The following KCNJ15 variants were observed in gnomAD, a reference collection of about 807,000 sequenced individuals.
KCNJ15 encodes potassium inwardly rectifying channel subfamily J member 15.
Under a neutral mutation model 23.0 loss-of-function variants are expected in KCNJ15, and 14 were observed. The observed-to-expected ratio is 0.61, with a 90% CI of 0.40 to 0.95. The LOEUF (loss-of-function observed/expected upper bound fraction) is 0.95, where lower values mean the gene tolerates loss of function less well. Among genes scored for constraint, KCNJ15 ranks in the 40% least tolerant of loss-of-function variants. KCNJ15 has a pLI of 0.00. For missense variants in KCNJ15, 388 were observed against 461.8 expected (o/e 0.84, Z 1.46); for synonymous variants, 185 against 183.2 (o/e 1.01, Z -0.08).
intron 1 of KCNJ15, among the ~76,000 whole-genome samples, chr21:38,230,095 A>G (rs1159800675): frequency 1.3e-5 from 2 of 152,124 alleles, no homozygotes; most frequent in Non-Finnish European, 2.9e-5. Flanking sequence ...TCTGTATTTA[A>G]TATTTTGAGA....
At chr21:38,274,336 C>T (rs761322055) in intron 1 of KCNJ15, among the ~76,000 whole-genome samples, 2 of 152,232 alleles carry the variant, frequency 1.3e-5, no homozygotes, top group African/African-American at 4.8e-5. Context: ...CACCAAAGTG[C>T]CATACCATCA....
chr21:38,271,455 T>C (rs1169555043), intron 1 of KCNJ15, among the ~76,000 whole-genome samples: 1 of 152,184 alleles, frequency 6.6e-6, no homozygotes, highest in African/African-American at 2.4e-5. Flanking sequence ...TTAAACTGGT[T>C]TATCGTTTGG....
intron 1 of KCNJ15, among the ~76,000 whole-genome samples, chr21:38,261,777 C>T (rs182871133): frequency 1.5e-4 from 23 of 152,264 alleles, no homozygotes; most frequent in East Asian, 9.7e-4. Context: ...ACCTAAAGAA[C>T]GTTATGCTAG....
chr21:38,306,792 G>C lies in KCNJ15; in HGVS notation c.*6403G>C, dbSNP rs566215073. On this transcript the variant is annotated 3_prime_UTR_variant, in exon 3 of 3. Coordinates refer to ENST00000398938, the MANE Select transcript of KCNJ15 (RefSeq NM_170736.3). ...TGGAATTGTAAGTTACAAAAATAAG[G>C]CTTTTGTAAACAGAATCTCCATTCC... 2 of 152,268 alleles carry C rather than the reference G, an allele frequency of 1.3e-5. No individual in the cohort carries two copies. Among genetic ancestry groups the C allele is most frequent in the South Asian group, 2.1e-4 (1 of 4,820 alleles). The allele number at this position is 152,268 out of a possible 1,614,324, so 9.4% of individuals were successfully genotyped here. A position where few individuals can be genotyped will look rare whatever the true frequency, so the allele number is the denominator to read the frequency against.
intron 1 of KCNJ15, among the ~76,000 whole-genome samples, chr21:38,242,582 T>C (rs1482654869): frequency 3.9e-5 from 6 of 152,188 alleles, no homozygotes; most frequent in Non-Finnish European, 1.5e-5. Flanking sequence ...TGAAGATCGA[T>C]AGGACGTCTT....
At chr21:38,243,674 G>A (rs1440305089) in intron 1 of KCNJ15, among the ~76,000 whole-genome samples, 3 of 152,056 alleles carry the variant, frequency 2.0e-5, no homozygotes, top group African/African-American at 4.8e-5. Flanking sequence ...TGCCCGCCTC[G>A]GCCTTCCAAA....
chr21:38,262,996 T>C (rs932971521), intron 1 of KCNJ15, among the ~76,000 whole-genome samples: 1 of 152,162 alleles, frequency 6.6e-6, no homozygotes, highest in African/African-American at 2.4e-5. Flanking sequence ...TATCTTAACG[T>C]CACTCCTTAA....
chr21:38,255,934 C>T (rs981559794), upstream of KCNJ15, among the ~76,000 whole-genome samples: 18 of 152,192 alleles, frequency 1.2e-4, no homozygotes, highest in African/African-American at 4.1e-4. Flanking sequence ...GGTATATCAT[C>T]GTCTCCCATG....
intron 1 of KCNJ15, among the ~76,000 whole-genome samples, chr21:38,244,431 G>A (rs1229520949): frequency 6.6e-6 from 1 of 152,126 alleles, no homozygotes; most frequent in Non-Finnish European, 1.5e-5. Flanking sequence ...GACCTGAATT[G>A]GACCTTAAGA....
intron 1 of KCNJ15, among the ~76,000 whole-genome samples, chr21:38,235,427 G>A (rs56668964): frequency 0.026 from 3,878 of 152,054 alleles, 164 homozygotes; most frequent in African/African-American, 0.088. Flanking sequence ...CGTGGCACGC[G>A]CCTGTAATCC....
chr21:38,247,093 GATGGATGC>G (rs1323546173), intron 1 of KCNJ15, among the ~76,000 whole-genome samples: 2 of 69,158 alleles, frequency 2.9e-5, no homozygotes, highest in East Asian at 9.6e-4. Context: ...TGGATGGATG[GATGGATGC>G]ATGGATGGAT....
At chr21:38,256,510 A>C (rs1980260558), upstream of KCNJ15, among the ~76,000 whole-genome samples, 5 of 151,834 alleles carry the variant, frequency 3.3e-5, no homozygotes, top group Admixed American at 3.3e-4. Context: ...GTATGGATTC[A>C]TTCTGATTCC....
rs543096995 is a variant in KCNJ15 at position 38,304,662 on chromosome 21, C to CTTTTTTTTTTTTTTTTTTTTTTTTTTT, written c.*4278_*4304dup. 1.1e-4 allele frequency: 6 copies of CTTTTTTTTTTTTTTTTTTTTTTTTTTT among 56,056 alleles called. 1 individual carries two copies. The highest frequency in any genetic ancestry group is 5.6e-4 in the East Asian group (1 of 1,800). 3.5% of individuals were successfully genotyped at this position (56,056 alleles called of 1,614,324 possible). On this transcript the variant is annotated 3_prime_UTR_variant, in exon 3 of 3. Coordinates refer to ENST00000398938, the MANE Select transcript of KCNJ15 (RefSeq NM_170736.3). ...TTACCCTTTGTAAACTTCAATTTAT[C>CTTTTTTTTTTTTTTTTTTTTTTTTTTT]TTTTTTTTTTTTTTTTTTTTTTTTT... is the stretch of plus-strand genomic sequence containing the variant.
intron 1 of KCNJ15, among the ~76,000 whole-genome samples, chr21:38,261,801 C>A (rs2836253): frequency 6.6e-6 from 1 of 152,012 alleles, no homozygotes; most frequent in Non-Finnish European, 1.5e-5. Context: ...TGCCACTAGA[C>A]CCTAGAATGG....
chr21:38,288,610 C>T (rs539143517), intron 1 of KCNJ15, among the ~76,000 whole-genome samples: 42 of 152,216 alleles, frequency 2.8e-4, no homozygotes, highest in Non-Finnish European at 4.9e-4. Context: ...TCTATGTTTC[C>T]GTGCCTTCAT....
chr21:38,262,837 C>A lies in KCNJ15; in HGVS notation c.-117+5652C>A, dbSNP rs561291069. ...GAATTACAGGCACCTGCCACCACAC[C>A]TGCCTAATTTTTGTATTTTCAGTAG... is the stretch of plus-strand genomic sequence containing the variant. On this transcript the variant is annotated intron_variant, in intron 1 of 2. Coordinates refer to ENST00000398938, the MANE Select transcript of KCNJ15 (RefSeq NM_170736.3). 1.2e-4 allele frequency among the ~76,000 whole-genome samples: 18 copies of A among 152,046 alleles called. 1 individual carries two copies. The highest frequency in any genetic ancestry group is 2.5e-4 in the Non-Finnish European group (17 of 68,010).
intron 1 of KCNJ15, among the ~76,000 whole-genome samples, chr21:38,288,018 GTTTTTTTCTTTGTTTTT>G (rs1166809199): frequency 3.8e-5 from 1 of 26,018 alleles, no homozygotes; most frequent in Non-Finnish European, 1.0e-4. Context: ...TAAATAACTT[GTTTTTTTCTTTGTTTTT>G]TTTTTTTTTT....
In KCNJ15 at chr21:38,305,094, A is replaced by G. The variant is rs1476723902; in HGVS notation, c.*4705A>G. The G allele has an allele frequency of 7.0e-6, 1 of 143,884 alleles. No homozygotes were observed. The highest frequency in any genetic ancestry group is 2.5e-5 in the African/African-American group (1 of 40,042). The allele number at this position is 143,884 out of a possible 1,614,324, so 8.9% of individuals were successfully genotyped here. On this transcript the variant is annotated 3_prime_UTR_variant, in exon 3 of 3. Transcript: ENST00000398938. ...AAACTCCGTCTCAAAAAAAAAAAAA[A>G]AAAGAAAAAGAAAAAGAAAAGAAAA...
At chr21:38,258,105 A>AAATTCATT (rs1282836412) in intron 1 of KCNJ15, among the ~76,000 whole-genome samples, 1 of 152,184 alleles carries the variant, frequency 6.6e-6, no homozygotes, top group Non-Finnish European at 1.5e-5. Context: ...GTGATTCTTA[A>AAATTCATT]AATTCATTTT....
Sources: allele counts gnomAD v4.1 joint callset (sites outside exome capture counted in the v4.1 genomes callset), GRCh38; gene constraint gnomAD v4.1.1; transcripts MANE v1.5; gene names NCBI Gene and HGNC (gene_info 2026-07-23, HGNC 2026-07-21).